LYN: variants seen among roughly 807,000 people sequenced by gnomAD.
LYN encodes the protein tyrosine-protein kinase Lyn.
A neutral mutation model predicts 65.0 loss-of-function variants in LYN; 12 were observed. The observed-to-expected ratio is 0.18, with a 90% CI of 0.12 to 0.30. The LOEUF is 0.30. LYN is among the 10% of genes least tolerant of loss of function. The probability of loss-of-function intolerance (pLI) is 1.00; values close to 1 mark genes in which losing one functional copy is unlikely to be tolerated. For missense variants in LYN, 380 were observed against 623.2 expected (o/e 0.61, Z 4.16); for synonymous variants, 222 against 221.2 (o/e 1.00, Z -0.03).
chr8:55,890,887 C>T (rs1380254062), intron 1 of LYN, among the ~76,000 whole-genome samples: 1 of 151,922 alleles, frequency 6.6e-6, no homozygotes, highest in Non-Finnish European at 1.5e-5. Context: ...GCCACCATGC[C>T]TGGCTAGTTT....
intron 1 of LYN, among the ~76,000 whole-genome samples, chr8:55,909,015 A>G (rs1805516087): frequency 5.3e-5 from 1 of 18,934 alleles, no homozygotes; most frequent in Admixed American, 4.4e-4. Context: ...ATATATACAC[A>G]CACACACACA....
Position 55,950,462 on chromosome 8 carries a change from T to C in LYN, c.288T>C (p.His96=), listed in dbSNP as rs775941123. 1 of 1,608,166 alleles carries C rather than the reference T, an allele frequency of 6.2e-7. No individual in the cohort carries two copies. Among genetic ancestry groups the C allele is most frequent in the African/African-American group, 1.3e-5 (1 of 74,510 alleles). Residue 96 remains histidine (H), a synonymous_variant, in exon 5 of 13, where the codon CAT becomes CAC. Transcript: ENST00000519728. ...KGEKMKVLEE[H]GEWWKAKSLL... Reference sequence around the variant, plus strand: ...TTGATGTGTATTTCTATTCTAGGCATGGAGAATGGTGGAAAGCAAAGTCCC... The same window carrying C: ...TTGATGTGTATTTCTATTCTAGGCACGGAGAATGGTGGAAAGCAAAGTCCC...
intron 10 of LYN, among the ~76,000 whole-genome samples, chr8:55,975,672 G>A (rs951195979): frequency 5.9e-5 from 9 of 152,158 alleles, no homozygotes; most frequent in Non-Finnish European, 8.8e-5. Flanking sequence ...CTTTGACCAT[G>A]AAAACTTAGA....
At chr8:55,923,685 G>A (rs567892574) in intron 1 of LYN, among the ~76,000 whole-genome samples, 2 of 152,030 alleles carry the variant, frequency 1.3e-5, no homozygotes, top group East Asian at 1.9e-4. Flanking sequence ...GATTACAGGC[G>A]CCTGCTGCCA....
intron 1 of LYN, among the ~76,000 whole-genome samples, chr8:55,908,400 G>A (rs942116199): frequency 5.3e-5 from 8 of 151,344 alleles, no homozygotes; most frequent in African/African-American, 1.2e-4. Context: ...ACCCCCCACC[G>A]CGACCTGCTA....
chr8:55,901,008 T>G (rs1421527321), intron 1 of LYN, among the ~76,000 whole-genome samples: 2 of 152,048 alleles, frequency 1.3e-5, no homozygotes, highest in African/African-American at 4.8e-5. Flanking sequence ...CCTGTTCTGG[T>G]TTCTTGGTGG....
chr8:55,962,353 A>G, intron 8 of LYN, among the ~76,000 whole-genome samples: 1 of 150,196 alleles, frequency 6.7e-6, no homozygotes, highest in Non-Finnish European at 1.5e-5. Context: ...GGTGAGATGC[A>G]TCTGTGCTTT....
intron 12 of LYN, among the ~76,000 whole-genome samples, chr8:56,007,021 GCAT>G (rs1808692546): frequency 6.6e-6 from 1 of 152,120 alleles, no homozygotes; most frequent in South Asian, 2.1e-4. Flanking sequence ...GCCTTTACCA[GCAT>G]CATCGAGAGT....
At chr8:56,001,360 G>T (rs1390543173) in intron 12 of LYN, among the ~76,000 whole-genome samples, 2 of 152,168 alleles carry the variant, frequency 1.3e-5, no homozygotes, top group Non-Finnish European at 2.9e-5. Flanking sequence ...AGACTTACTG[G>T]CCATGTAAGA....
intron 7 of LYN, 85 bp from the exon 8 acceptor site, chr8:55,953,747 G>GTCT (rs1807020134): frequency 8.3e-7 from 1 of 1,209,452 alleles, no homozygotes; most frequent in African/African-American, 2.1e-5. Flanking sequence ...GACACTATAA[G>GTCT]GCTAGTGTTC....
chr8:55,954,556 G>T (rs957016919), intron 8 of LYN, among the ~76,000 whole-genome samples: 1 of 152,142 alleles, frequency 6.6e-6, no homozygotes, highest in Non-Finnish European at 1.5e-5. Flanking sequence ...TTTTTATAGT[G>T]AGCTGAGCAC....
chr8:55,973,538 C>A (rs1437712674), intron 10 of LYN, among the ~76,000 whole-genome samples: 1 of 152,136 alleles, frequency 6.6e-6, no homozygotes, highest in Non-Finnish European at 1.5e-5. Flanking sequence ...GAAAAATGAA[C>A]TTGGAAAGAA....
chr8:55,991,447 G>A (rs6990948), intron 10 of LYN, among the ~76,000 whole-genome samples: 149,674 of 152,346 alleles, frequency 0.98, 73,551 homozygotes, highest in East Asian at 1. Context: ...CTCATTGTAT[G>A]TTACAAAGGC....
At chr8:55,922,276 GA>G (rs903803713) in intron 1 of LYN, among the ~76,000 whole-genome samples, 1 of 151,984 alleles carries the variant, frequency 6.6e-6, no homozygotes, top group Non-Finnish European at 1.5e-5. Context: ...TTTTTATAGA[GA>G]GGGGGTCTCA....
At chr8:55,974,702 T>G (rs1021101678) in intron 10 of LYN, among the ~76,000 whole-genome samples, 1 of 152,228 alleles carries the variant, frequency 6.6e-6, no homozygotes, top group Admixed American at 6.5e-5. Context: ...TCTGTCTCTT[T>G]GTCTGGAACG....
chr8:55,927,406 T>C (rs1806138164), intron 1 of LYN, among the ~76,000 whole-genome samples: 1 of 152,220 alleles, frequency 6.6e-6, no homozygotes, highest in Non-Finnish European at 1.5e-5. Flanking sequence ...CTCTATGTCC[T>C]TTCATGGTTG....
At chr8:55,929,239 G>A (rs1448089729) in intron 1 of LYN, among the ~76,000 whole-genome samples, 1 of 152,142 alleles carries the variant, frequency 6.6e-6, no homozygotes, top group Admixed American at 6.5e-5. Flanking sequence ...GAGAAGCAGG[G>A]ATCCGTAGAA....
At chr8:55,928,057 G>C (rs1275923056) in intron 1 of LYN, among the ~76,000 whole-genome samples, 1 of 152,132 alleles carries the variant, frequency 6.6e-6, no homozygotes, top group Non-Finnish European at 1.5e-5. Flanking sequence ...CTGTTGCTCT[G>C]CCTCTTTGCC....
chr8:55,969,257 A>C (rs1185062688), intron 9 of LYN, among the ~76,000 whole-genome samples: 2 of 152,206 alleles, frequency 1.3e-5, no homozygotes, highest in African/African-American at 2.4e-5. Context: ...TGGGTGACAG[A>C]GTAAGACCCT....
Sources: allele counts gnomAD v4.1 joint callset (sites outside exome capture counted in the v4.1 genomes callset), GRCh38; gene constraint gnomAD v4.1.1; transcripts MANE v1.5; gene names NCBI Gene and HGNC (gene_info 2026-07-23, HGNC 2026-07-21).